RBFOX1: variants seen among roughly 807,000 people sequenced by gnomAD.
RBFOX1 encodes RNA binding fox-1 homolog 1, also known as RNA binding protein fox-1 homolog 1.
Under a neutral mutation model 57.7 loss-of-function variants are expected in RBFOX1, and 8 were observed. The observed-to-expected ratio is 0.14, with a 90% CI of 0.08 to 0.25. The LOEUF (loss-of-function observed/expected upper bound fraction) is 0.25. Ranked by LOEUF, RBFOX1 falls within the 10% of genes least tolerant of loss-of-function variation. The probability of loss-of-function intolerance (pLI) is 1.00; values close to 1 mark genes in which losing one functional copy is unlikely to be tolerated. For missense variants in RBFOX1, 611 were observed against 548.5 expected (o/e 1.11, Z -1.14); for synonymous variants, 326 against 222.4 (o/e 1.47, Z -4.15).
chr16:5,287,169 G>A (rs2063415962), intron 1 of RBFOX1, among the ~76,000 whole-genome samples: 1 of 152,088 alleles, frequency 6.6e-6, no homozygotes, highest in Non-Finnish European at 1.5e-5. Flanking sequence ...GCTAAGCATG[G>A]TGGCTCATGT....
intron 1 of RBFOX1, among the ~76,000 whole-genome samples, chr16:6,041,924 G>A (rs1216503003): frequency 6.6e-6 from 1 of 152,008 alleles, no homozygotes; most frequent in African/African-American, 2.4e-5. Context: ...CAATCATCAG[G>A]GTGTCAGCAG....
At chr16:6,945,943 C>G (rs1273723095) in intron 3 of RBFOX1, among the ~76,000 whole-genome samples, 4 of 152,188 alleles carry the variant, frequency 2.6e-5, no homozygotes, top group African/African-American at 7.2e-5. Context: ...GGGGCGTTTA[C>G]CATTTCAAGG....
intron 3 of RBFOX1, among the ~76,000 whole-genome samples, chr16:6,801,909 C>A (rs958804876): frequency 2.0e-5 from 3 of 152,048 alleles, no homozygotes; most frequent in African/African-American, 7.2e-5. Flanking sequence ...GATCTGAGTC[C>A]TGAGGACCTT....
chr16:5,973,044 G>T (rs2059994326), intron 4 of RBFOX1, among the ~76,000 whole-genome samples: 1 of 152,186 alleles, frequency 6.6e-6, no homozygotes, highest in Non-Finnish European at 1.5e-5. Context: ...GCTGCCCTGA[G>T]ATGTACCAAA....
At chr16:6,806,110 G>C (rs1395380817) in intron 3 of RBFOX1, among the ~76,000 whole-genome samples, 1 of 152,142 alleles carries the variant, frequency 6.6e-6, no homozygotes, top group African/African-American at 2.4e-5. Context: ...CCAAGAACCA[G>C]TTTGAATATT....
At chr16:5,442,846 G>A (rs1405818936) in intron 1 of RBFOX1, among the ~76,000 whole-genome samples, 1 of 152,168 alleles carries the variant, frequency 6.6e-6, no homozygotes, top group Non-Finnish European at 1.5e-5. Context: ...TGGAAATAAG[G>A]TCTTTGCAGA....
At chr16:6,892,401 G>C (rs1246882059) in intron 3 of RBFOX1, among the ~76,000 whole-genome samples, 1 of 152,170 alleles carries the variant, frequency 6.6e-6, no homozygotes, top group Non-Finnish European at 1.5e-5. Flanking sequence ...CAGGCATGGT[G>C]GCTCACACCT....
Position 6,863,725 on chromosome 16 carries a change from C to CTTTTTTTTTTTTTTTTTTTTTTTTTTT in RBFOX1, c.-15-188331_-15-188305dup, listed in dbSNP as rs71408412. ...CGGAAGCACAAATTGGATGCCTGCG[C>CTTTTTTTTTTTTTTTTTTTTTTTTTTT]TTTTTTTTTTTTTTTTTTTTTTTTT... is the stretch of plus-strand genomic sequence containing the variant. On this transcript the variant is annotated intron_variant, in intron 3 of 15. Coordinates refer to ENST00000550418, the MANE Select transcript of RBFOX1 (RefSeq NM_018723.4). Among the ~76,000 whole-genome samples, 11 of 67,778 alleles carry CTTTTTTTTTTTTTTTTTTTTTTTTTTT rather than the reference C, an allele frequency of 1.6e-4. 1 individual carries two copies. The highest frequency in any genetic ancestry group is 7.5e-4 in the African/African-American group (10 of 13,384). 44.5% of individuals were successfully genotyped at this position (67,778 alleles called of 152,430 possible). A position where few individuals can be genotyped will look rare whatever the true frequency, so the allele number is the denominator to read the frequency against.
chr16:6,426,084 C>T lies in RBFOX1; in HGVS notation c.-64+109027C>T, dbSNP rs553743443. 4.5e-5 allele frequency among the ~76,000 whole-genome samples: 6 copies of T among 131,962 alleles called. No homozygotes were observed. The South Asian group carries it at 1.5e-3, about 32-fold the overall frequency. The allele number at this position is 131,962 out of a possible 152,430, so 86.6% of individuals were successfully genotyped here. On this transcript the variant is annotated intron_variant, in intron 2 of 15. Coordinates refer to ENST00000550418, the MANE Select transcript of RBFOX1 (RefSeq NM_018723.4). ...TCTCTGTCTCTCTGTCTCATTTTCT[C>T]CCTCTCTCTCTCTCTCTCTCTCCCT... is the stretch of plus-strand genomic sequence containing the variant.
chr16:6,139,217 C>G (rs919401912), intron 1 of RBFOX1, among the ~76,000 whole-genome samples: 2 of 152,076 alleles, frequency 1.3e-5, no homozygotes, highest in Non-Finnish European at 2.9e-5. Flanking sequence ...CCCTCTCTGC[C>G]CACTGAAATC....
intron 14 of RBFOX1, among the ~76,000 whole-genome samples, chr16:7,677,746 T>C (rs1257685854): frequency 6.6e-6 from 1 of 152,210 alleles, no homozygotes; most frequent in Non-Finnish European, 1.5e-5. Flanking sequence ...ATGAGTCCTT[T>C]ATTTTAAAAA....
chr16:7,245,891 C>G (rs554708042), intron 4 of RBFOX1, among the ~76,000 whole-genome samples: 1 of 152,124 alleles, frequency 6.6e-6, no homozygotes, highest in African/African-American at 2.4e-5. Flanking sequence ...TACAGTCTTG[C>G]AAATAGATAT....
At chr16:6,756,109 A>G (rs763493108) in intron 3 of RBFOX1, among the ~76,000 whole-genome samples, 2 of 152,218 alleles carry the variant, frequency 1.3e-5, no homozygotes, top group Non-Finnish European at 2.9e-5. Flanking sequence ...TTGGTCATTC[A>G]TAGTAGAAAC....
chr16:6,719,471 T>C (rs9673752), intron 3 of RBFOX1, among the ~76,000 whole-genome samples: 17,157 of 151,712 alleles, frequency 0.11, 1,484 homozygotes, highest in East Asian at 0.29. Flanking sequence ...GACAGAGTCT[T>C]GCTCTGTCAC....
chr16:7,095,143 A>T (rs2061490780), intron 4 of RBFOX1, among the ~76,000 whole-genome samples: 1 of 151,706 alleles, frequency 6.6e-6, no homozygotes, highest in African/African-American at 2.4e-5. Context: ...ATGGAGACCC[A>T]CTCTGTTGCC....
chr16:6,871,009 C>G (rs994211641), intron 3 of RBFOX1, among the ~76,000 whole-genome samples: 8 of 152,168 alleles, frequency 5.3e-5, no homozygotes, highest in African/African-American at 1.9e-4. Flanking sequence ...ATAACAGATG[C>G]TCATTAAATA....
chr16:6,715,686 G>A (rs4786923), intron 3 of RBFOX1, among the ~76,000 whole-genome samples: 80,612 of 152,032 alleles, frequency 0.53, 23,076 homozygotes, highest in Middle Eastern at 0.76. Context: ...AGATGAAGCA[G>A]CCCACCTGGC....
chr16:6,057,995 G>A (rs548894135), intron 1 of RBFOX1, among the ~76,000 whole-genome samples: 2 of 152,030 alleles, frequency 1.3e-5, no homozygotes, highest in Non-Finnish European at 2.9e-5. Flanking sequence ...CTGCACTTCA[G>A]ACAAAGGCCT....
chr16:7,556,262 A>G (rs1405005176), intron 5 of RBFOX1, among the ~76,000 whole-genome samples: 2 of 152,150 alleles, frequency 1.3e-5, no homozygotes, highest in Non-Finnish European at 2.9e-5. Flanking sequence ...TCGAACTTGC[A>G]TCTCCCAACA....
Sources: gnomAD v4.1 joint callset for allele counts (sites outside exome capture counted in the v4.1 genomes callset) on GRCh38, gnomAD v4.1.1 for gene constraint, MANE v1.5 for transcripts, NCBI Gene and HGNC (gene_info 2026-07-23, HGNC 2026-07-21) for gene names.